Variants in RAB7A observed in about 807,000 individuals in gnomAD.
RAB7A encodes ras-related protein Rab-7a.
Under a neutral mutation model 24.5 loss-of-function variants are expected in RAB7A, and 2 were observed. That is an observed-to-expected ratio of 0.08 (90% CI 0.03 to 0.26). The LOEUF (loss-of-function observed/expected upper bound fraction) is 0.26, where lower values mean the gene tolerates loss of function less well. Ranked by LOEUF, RAB7A falls within the 10% of genes least tolerant of loss-of-function variation. RAB7A has a pLI of 1.00. For synonymous variants in RAB7A, 100 were observed against 95.9 expected, an observed-to-expected ratio of 1.04 and a Z score of -0.25; for missense variants, 118 against 255.7, an observed-to-expected ratio of 0.46 and a Z score of 3.67.
chr3:128,762,873 C>G (rs962348114), intron 1 of RAB7A, among the ~76,000 whole-genome samples: 1 of 152,192 alleles, frequency 6.6e-6, no homozygotes. Flanking sequence ...AAGATACACT[C>G]TCCTACCTAC....
intron 1 of RAB7A, among the ~76,000 whole-genome samples, chr3:128,789,218 T>C (rs142381209): frequency 4.9e-4 from 74 of 152,358 alleles, no homozygotes; most frequent in Middle Eastern, 3.4e-3. Flanking sequence ...AGAGATCTTA[T>C]GTAACTCTTT....
chr3:128,751,686 G>A (rs1004451182), intron 1 of RAB7A, among the ~76,000 whole-genome samples: 3 of 152,218 alleles, frequency 2.0e-5, no homozygotes, highest in African/African-American at 4.8e-5. Context: ...GCTGAAATGA[G>A]CTAAGACTTT....
intron 1 of RAB7A, among the ~76,000 whole-genome samples, chr3:128,783,980 A>G (rs911002313): frequency 6.6e-6 from 1 of 152,180 alleles, no homozygotes; most frequent in African/African-American, 2.4e-5. Flanking sequence ...GCCACCAGAC[A>G]GCAGACCTCT....
At chr3:128,738,275 G>A (rs766952728) in intron 1 of RAB7A, among the ~76,000 whole-genome samples, 10 of 151,920 alleles carry the variant, frequency 6.6e-5, no homozygotes, top group Non-Finnish European at 1.0e-4. Flanking sequence ...CAAGTAGCTC[G>A]CCCACCCTGG....
At chr3:128,798,895 A>T (rs538440752) in intron 3 of RAB7A, 15 of 306,416 alleles carry the variant, frequency 4.9e-5, no homozygotes, top group African/African-American at 3.5e-4. Flanking sequence ...TTCATGGTCC[A>T]TGATGCCAGC....
At chr3:128,737,651 CTTT>C (rs76319408) in intron 1 of RAB7A, among the ~76,000 whole-genome samples, 3 of 138,690 alleles carry the variant, frequency 2.2e-5, no homozygotes, top group Admixed American at 7.3e-5. Context: ...TTCTGTCTCT[CTTT>C]TTTTTTTTTT....
chr3:128,767,132 C>T (rs2070839888), intron 1 of RAB7A, among the ~76,000 whole-genome samples: 1 of 152,194 alleles, frequency 6.6e-6, no homozygotes, highest in African/African-American at 2.4e-5. Flanking sequence ...TCAGATTTGA[C>T]TTAAAATCCG....
rs1189120210 is a variant in RAB7A, at chr3:128,813,852, A to AC, written c.*437dup. On this transcript the variant is annotated 3_prime_UTR_variant, in exon 6 of 6. Transcript: ENST00000265062. The stretch of plus-strand genomic sequence containing the variant: ...TTTTTATTGGTCTTGTGGTCTTTTT[A>AC]CCCCCCCTTTCCCCTCCCTCCTTGA... 1.7e-4 allele frequency: 40 copies of AC among 240,916 alleles called. No individual in the cohort carries two copies. Among genetic ancestry groups the AC allele is most frequent in the African/African-American group, 2.3e-4 (10 of 44,172 alleles). 14.9% of individuals were successfully genotyped at this position (240,916 alleles called of 1,614,324 possible).
intron 1 of RAB7A, among the ~76,000 whole-genome samples, chr3:128,746,117 T>C (rs1440381799): frequency 6.6e-6 from 1 of 152,266 alleles, no homozygotes; most frequent in Admixed American, 6.5e-5. Flanking sequence ...GTCACCCTGC[T>C]GTGCAGTAGA....
intron 3 of RAB7A, among the ~76,000 whole-genome samples, chr3:128,803,318 A>G (rs1321736135): frequency 6.6e-6 from 1 of 152,206 alleles, no homozygotes; most frequent in East Asian, 1.9e-4. Context: ...AAACATGTAA[A>G]TAACAAGATT....
chr3:128,764,430 A>T (rs1180471609), intron 1 of RAB7A: 1 of 743,254 alleles, frequency 1.3e-6, no homozygotes, highest in Non-Finnish European at 2.5e-6. Context: ...TGACCAGGGA[A>T]TTCGCCCCAT....
At chr3:128,742,634 T>C (rs2070566224) in intron 1 of RAB7A, among the ~76,000 whole-genome samples, 2 of 152,072 alleles carry the variant, frequency 1.3e-5, no homozygotes, top group African/African-American at 4.8e-5. Flanking sequence ...GATTGGTGCA[T>C]TTAGAAACCT....
intron 2 of RAB7A, among the ~76,000 whole-genome samples, chr3:128,796,323 G>A (rs768884103): frequency 7.9e-5 from 12 of 151,804 alleles, no homozygotes; most frequent in South Asian, 2.1e-4. Flanking sequence ...GCCAGGTGCC[G>A]TACCTGTAGT....
intron 1 of RAB7A, among the ~76,000 whole-genome samples, chr3:128,727,899 G>A (rs1226647437): frequency 6.6e-6 from 1 of 152,138 alleles, no homozygotes; most frequent in East Asian, 1.9e-4. Context: ...TTCTTCTGAA[G>A]AAGGGACCGG....
chr3:128,775,005 C>T (rs1933054377), intron 1 of RAB7A, among the ~76,000 whole-genome samples: 1 of 152,134 alleles, frequency 6.6e-6, no homozygotes, highest in South Asian at 2.1e-4. Flanking sequence ...TGGTCTCAAA[C>T]TCCCAACCTC....
At chr3:128,788,617 CT>C (rs1206180937) in intron 1 of RAB7A, among the ~76,000 whole-genome samples, 1 of 152,194 alleles carries the variant, frequency 6.6e-6, no homozygotes, top group Non-Finnish European at 1.5e-5. Flanking sequence ...CTTTCAATTC[CT>C]GCAACACCAT....
At chr3:128,812,390 C>T (rs1446365068) in intron 5 of RAB7A, among the ~76,000 whole-genome samples, 2 of 152,234 alleles carry the variant, frequency 1.3e-5, no homozygotes, top group Non-Finnish European at 2.9e-5. Flanking sequence ...GCTGGGATTA[C>T]AGGCGTGAGC....
At chr3:128,784,847 G>C (rs138581391) in intron 1 of RAB7A, among the ~76,000 whole-genome samples, 2 of 151,666 alleles carry the variant, frequency 1.3e-5, no homozygotes, top group South Asian at 2.1e-4. Flanking sequence ...TTATAGTCTC[G>C]TATCTACTTT....
chr3:128,777,763 T>C (rs1010056186), intron 1 of RAB7A, among the ~76,000 whole-genome samples: 17 of 152,200 alleles, frequency 1.1e-4, no homozygotes, highest in African/African-American at 2.9e-4. Context: ...GGAGTCTTAC[T>C]CTGTCTCCTG....
Sources: gnomAD v4.1 joint callset for allele counts (sites outside exome capture counted in the v4.1 genomes callset) on GRCh38, gnomAD v4.1.1 for gene constraint, MANE v1.5 for transcripts, NCBI Gene and HGNC (gene_info 2026-07-23, HGNC 2026-07-21) for gene names.